AGAP1: variants seen among roughly 807,000 people sequenced by gnomAD.
The protein encoded by AGAP1 is arf-GAP with GTPase, ANK repeat and PH domain-containing protein 1.
In AGAP1, 29 loss-of-function variants were observed where a neutral mutation model predicts 105.3. The observed-to-expected ratio is 0.28, with a 90% confidence interval of 0.21 to 0.38. AGAP1 has a LOEUF of 0.38. Ranked by LOEUF, AGAP1 falls within the 10% of genes least tolerant of loss-of-function variation. The pLI is 1.00. For missense variants in AGAP1, 998 were observed against 1,165.1 expected, an observed-to-expected ratio of 0.86 and a Z score of 2.09; for synonymous variants, 509 against 485.9, an observed-to-expected ratio of 1.05 and a Z score of -0.63.
rs1016478625 is a variant in AGAP1, at chr2:236,051,704, G to A, written c.2114+2423G>A. 6.6e-6 allele frequency among the ~76,000 whole-genome samples: 1 copy of A among 152,182 alleles called. No individual in the cohort carries two copies. Among genetic ancestry groups the A allele is most frequent in the Admixed American group, 6.5e-5 (1 of 15,284 alleles). ...TGGCACCTTAAAAGCGACCCTGGGG[G>A]CAGGGGAGAGGGGAAGGGTTTGTCT... On this transcript the variant is annotated intron_variant, in intron 16 of 17. Coordinates refer to ENST00000304032, the MANE Select transcript of AGAP1 (RefSeq NM_001037131.3). This position sits in a 1 kb window ranked among gnomAD's most constrained non-coding sequence, Gnocchi z 5.9.
At chr2:235,590,716 T>TGCGCA (rs1491557940) in intron 1 of AGAP1, among the ~76,000 whole-genome samples, 2 of 32,796 alleles carry the variant, frequency 6.1e-5, no homozygotes, top group East Asian at 1.5e-3. Flanking sequence ...TGTGTGTGCA[T>TGCGCA]TTTTTTTTTT....
At position 235,889,433 on chromosome 2, in the gene AGAP1, G is replaced by C. The variant is rs2050422946; in HGVS notation, c.1155+5984G>C. On this transcript the variant is annotated intron_variant, in intron 10 of 17. Transcript: ENST00000304032. The surrounding 1 kb of genome is among the most constrained non-coding windows in gnomAD (Gnocchi z 4.6). Reference sequence around the variant, plus strand: ...CTGGGGCAGCTTTCTACTTGCAGAAGATCATGACAAGGGACTTCAGCTGGG... The same window carrying C: ...CTGGGGCAGCTTTCTACTTGCAGAACATCATGACAAGGGACTTCAGCTGGG... Among the ~76,000 whole-genome samples, 1 of 152,164 alleles carries C rather than the reference G, an allele frequency of 6.6e-6. No individual in the cohort carries two copies. The highest frequency in any genetic ancestry group is 2.4e-5 in the African/African-American group (1 of 41,440).
chr2:235,805,696 T>C (rs1035159627), intron 8 of AGAP1, among the ~76,000 whole-genome samples: 2 of 152,176 alleles, frequency 1.3e-5, no homozygotes, highest in African/African-American at 2.4e-5. Context: ...GTATTAAGAA[T>C]TAATTAAAAA....
intron 1 of AGAP1, among the ~76,000 whole-genome samples, chr2:235,674,757 C>G (rs1269605855): frequency 6.7e-6 from 1 of 148,890 alleles, no homozygotes; most frequent in African/African-American, 2.5e-5. Context: ...TGAGCGATCT[C>G]AGCTCACTGC....
intron 16 of AGAP1, among the ~76,000 whole-genome samples, chr2:236,085,739 G>T (rs1296453343): frequency 6.6e-6 from 1 of 152,234 alleles, no homozygotes; most frequent in Non-Finnish European, 1.5e-5. Context: ...CCATGTGGTG[G>T]CCCCCAGGGG....
In AGAP1 at chr2:235,701,694, A is replaced by G. The variant is rs138174886; in HGVS notation, c.164-7485A>G. On this transcript the variant is annotated intron_variant, in intron 1 of 17. Transcript: ENST00000304032. The surrounding 1 kb of genome is among the most constrained non-coding windows in gnomAD (Gnocchi z 4.1). ...TGCTGGTGAACTTCTGCTAAGTCCT[A>G]CATTTGAAAGTCATCAGCGGATTAT... Among the ~76,000 whole-genome samples the G allele has an allele frequency of 5.9e-5, 9 of 152,300 alleles. No homozygotes were observed. The highest frequency in any genetic ancestry group is 2.2e-4 in the African/African-American group (9 of 41,566).
Position 235,615,448 on chromosome 2 carries a change from ATC to A in AGAP1, c.164-93725_164-93724del, listed in dbSNP as rs1946278147. On this transcript the variant is annotated intron_variant, in intron 1 of 17. Transcript: ENST00000304032. This position sits in a 1 kb window ranked among gnomAD's most constrained non-coding sequence, Gnocchi z 5.0. ...CTGAGCTATTTTTTTTCAAAGCATT[ATC>A]TCTCTACTGTTTGTAGGCAGAGAAT... 6.6e-6 allele frequency among the ~76,000 whole-genome samples: 1 copy of A among 152,172 alleles called. No homozygotes were observed. The highest frequency in any genetic ancestry group is 2.1e-4 in the South Asian group (1 of 4,826).
At chr2:235,820,615 A>G (rs949133397) in intron 9 of AGAP1, among the ~76,000 whole-genome samples, 6 of 152,264 alleles carry the variant, frequency 3.9e-5, no homozygotes, top group Admixed American at 1.3e-4. Flanking sequence ...TATCAGCCAC[A>G]GCCTCTGTGA....
chr2:235,535,581 C>T lies in AGAP1; in HGVS notation c.163+40732C>T, dbSNP rs1019781474. 6.6e-6 allele frequency among the ~76,000 whole-genome samples: 1 copy of T among 151,808 alleles called. No individual in the cohort carries two copies. The highest frequency in any genetic ancestry group is 1.5e-5 in the Non-Finnish European group (1 of 67,960). Reference sequence around the variant, plus strand: ...CGCGGCAGGTAGCAAGGAACGGTGGCGGGGCCAAAGGTTTCCTCAAAGACC... The same window carrying T: ...CGCGGCAGGTAGCAAGGAACGGTGGTGGGGCCAAAGGTTTCCTCAAAGACC... On this transcript the variant is annotated intron_variant, in intron 1 of 17. Coordinates refer to ENST00000304032, the MANE Select transcript of AGAP1 (RefSeq NM_001037131.3). This position sits in a 1 kb window ranked among gnomAD's most constrained non-coding sequence, Gnocchi z 5.1.
rs1284153396 is a variant in AGAP1 at position 236,127,275 on chromosome 2, C to T, written c.*3153C>T. ...GCTGGGACGGGCAGATGGTTTCCCC[C>T]GCCCAGCACCCCAGTCCTGGTCCCT... On this transcript the variant is annotated 3_prime_UTR_variant, in exon 18 of 18. Transcript: ENST00000304032. The surrounding 1 kb of genome is among the most constrained non-coding windows in gnomAD (Gnocchi z 6.6). 4 of 152,284 alleles carry T rather than the reference C, an allele frequency of 2.6e-5. No individual in the cohort carries two copies. Among genetic ancestry groups the T allele is most frequent in the East Asian group, 1.9e-4 (1 of 5,160 alleles). 9.4% of individuals were successfully genotyped at this position (152,284 alleles called of 1,614,324 possible).
intron 6 of AGAP1, among the ~76,000 whole-genome samples, chr2:235,790,400 G>A (rs1956902942): frequency 1.3e-5 from 2 of 152,008 alleles, no homozygotes; most frequent in Admixed American, 6.5e-5. Flanking sequence ...TGTGCTTCTC[G>A]GGAAACCGCT....
At chr2:235,726,412 G>C (rs1255410026) in intron 3 of AGAP1, among the ~76,000 whole-genome samples, 2 of 152,194 alleles carry the variant, frequency 1.3e-5, no homozygotes, top group Non-Finnish European at 2.9e-5. Flanking sequence ...ATGGAGACTA[G>C]AGCCTAGAAA....
intron 12 of AGAP1, among the ~76,000 whole-genome samples, chr2:235,933,984 G>T (rs965868630): frequency 6.6e-6 from 1 of 152,120 alleles, no homozygotes; most frequent in Non-Finnish European, 1.5e-5. Context: ...CTTCTACAGG[G>T]GCTGCCTTTG....
intron 1 of AGAP1, among the ~76,000 whole-genome samples, chr2:235,544,010 T>A (rs572674986): frequency 6.6e-6 from 1 of 152,308 alleles, no homozygotes; most frequent in East Asian, 1.9e-4. Flanking sequence ...GCTCTGGCCG[T>A]GCCCCATTCC....
intron 5 of AGAP1, among the ~76,000 whole-genome samples, chr2:235,746,409 TTTA>T (rs1952953634): frequency 9.4e-6 from 1 of 106,916 alleles, no homozygotes; most frequent in Non-Finnish European, 2.0e-5. Context: ...TTTTTTTTTT[TTTA>T]AAGCGTACGT....
At chr2:235,500,842 T>G (rs958433689) in intron 1 of AGAP1, among the ~76,000 whole-genome samples, 1 of 152,038 alleles carries the variant, frequency 6.6e-6, no homozygotes, top group African/African-American at 2.4e-5. Context: ...GACAGAGGGT[T>G]TATTAGGGGA....
At chr2:235,683,844 C>T (rs1439919730) in intron 1 of AGAP1, among the ~76,000 whole-genome samples, 1 of 151,210 alleles carries the variant, frequency 6.6e-6, no homozygotes, top group Non-Finnish European at 1.5e-5. Context: ...GCCATCCCTC[C>T]CAAGCCCCCC....
At chr2:235,568,770 T>C (rs1485053623) in intron 1 of AGAP1, among the ~76,000 whole-genome samples, 1 of 152,140 alleles carries the variant, frequency 6.6e-6, no homozygotes, top group Non-Finnish European at 1.5e-5. Flanking sequence ...GGAGAATCCA[T>C]TTCCTTCCCT....
At chr2:235,840,322 TTAAAG>T (rs1039728728) in intron 9 of AGAP1, among the ~76,000 whole-genome samples, 60 of 152,208 alleles carry the variant, frequency 3.9e-4, no homozygotes, top group African/African-American at 5.8e-4. Flanking sequence ...GCAGTGACCA[TTAAAG>T]TAAAGTGGCT....
Sources: allele counts gnomAD v4.1 joint callset (sites outside exome capture counted in the v4.1 genomes callset), GRCh38; gene constraint gnomAD v4.1.1; non-coding constraint Gnocchi (gnomAD v3.1); transcripts MANE v1.5; gene names NCBI Gene and HGNC (gene_info 2026-07-23, HGNC 2026-07-21).